The following ATG13 variants were observed in gnomAD, a reference collection of about 807,000 sequenced individuals.
The protein encoded by ATG13 is autophagy-related protein 13.
Under a neutral mutation model 65.5 loss-of-function variants are expected in ATG13, and 23 were observed. That is an observed-to-expected ratio of 0.35 (90% CI 0.25 to 0.50). The LOEUF is 0.50. Among genes scored for constraint, ATG13 ranks in the 20% least tolerant of loss-of-function variants. The probability of loss-of-function intolerance (pLI) is 0.98; values close to 1 mark genes in which losing one functional copy is unlikely to be tolerated. For synonymous variants in ATG13, 252 were observed against 245.2 expected (o/e 1.03, Z -0.26); for missense variants, 566 against 677.0 (o/e 0.84, Z 1.82).
chr11:46,623,797 T>C (rs1189540409), intron 1 of ATG13, among the ~76,000 whole-genome samples: 1 of 152,110 alleles, frequency 6.6e-6, no homozygotes, highest in Non-Finnish European at 1.5e-5. Flanking sequence ...TGGAAGAATA[T>C]TACAGTGAAT....
rs548080362 is a variant in ATG13, at chr11:46,653,584, T to A, written c.459-2649T>A. Among the ~76,000 whole-genome samples the A allele has an allele frequency of 3.3e-5, 5 of 152,238 alleles. No individual in the cohort carries two copies. In the South Asian group the frequency reaches 1.0e-3, roughly 32 times the overall value. ...GAAGCTTCTTTTTTTTTTTTTTGTT[T>A]TTTGAGACGGAGTCTCGCTGTGTTG... On this transcript the variant is annotated intron_variant, in intron 7 of 18. Coordinates refer to ENST00000683050, the MANE Select transcript of ATG13 (RefSeq NM_001346311.2).
At chr11:46,621,302 C>T (rs117605660) in intron 1 of ATG13, 3,581 of 152,210 alleles carry the variant, frequency 0.024, 63 homozygotes, top group Middle Eastern at 0.034. Flanking sequence ...TGTGAGCCAC[C>T]GCGCCCAGCC....
At chr11:46,625,984 C>T (rs976721521) in intron 1 of ATG13, among the ~76,000 whole-genome samples, 5 of 152,026 alleles carry the variant, frequency 3.3e-5, no homozygotes, top group African/African-American at 4.8e-5. Context: ...GTTTTTGAGA[C>T]GGAGTCTGTC....
In ATG13 at chr11:46,617,605, G is replaced by A; in HGVS notation, c.-355G>A. On this transcript the variant is annotated 5_prime_UTR_variant, in exon 1 of 19. Coordinates refer to ENST00000683050, the MANE Select transcript of ATG13 (RefSeq NM_001346311.2). ...ACACTAACGATGGCGGCGCCGGGAA[G>A]CGACCGGCTGCTGGGCTTAAGGCGG... The A allele has an allele frequency of 4.0e-6, 1 of 250,094 alleles. No homozygotes were observed. Among genetic ancestry groups the A allele is most frequent in the Non-Finnish European group, 7.3e-6 (1 of 136,744 alleles). The allele number at this position is 250,094 out of a possible 1,614,324, so 15.5% of individuals were successfully genotyped here.
intron 5 of ATG13, chr11:46,648,847 G>A (rs1252544295): frequency 4.6e-6 from 1 of 215,712 alleles, no homozygotes; most frequent in Non-Finnish European, 9.0e-6. Flanking sequence ...AGGACTGGTT[G>A]GATAAAATGA....
intron 11 of ATG13, among the ~76,000 whole-genome samples, chr11:46,662,034 C>CAT (rs10679682): frequency 0.016 from 2,461 of 152,226 alleles, 24 homozygotes; most frequent in Non-Finnish European, 0.022. Flanking sequence ...CTCTCATGAA[C>CAT]ATATGTAGGC....
chr11:46,663,943 TTC>T, intron 11 of ATG13, 52 bp from the exon 12 acceptor site: 1 of 1,258,142 alleles, frequency 7.9e-7, no homozygotes, highest in African/African-American at 1.6e-5. Flanking sequence ...CAAGTCCCTT[TTC>T]TTTTTTTTTT....
intron 1 of ATG13, among the ~76,000 whole-genome samples, chr11:46,624,813 G>C (rs1397034560): frequency 6.6e-6 from 1 of 152,096 alleles, no homozygotes; most frequent in Non-Finnish European, 1.5e-5. Flanking sequence ...TGAGAGGATT[G>C]CCTGAGCGCA....
At chr11:46,665,275 G>T in intron 13 of ATG13, 108 bp from the exon 14 acceptor site, 1 of 1,380,746 alleles carries the variant, frequency 7.2e-7, no homozygotes. Context: ...CTTGGTGGCA[G>T]CGTTGGTGAT....
At chr11:46,642,081 C>T (rs74807297) in intron 2 of ATG13, among the ~76,000 whole-genome samples, 2,521 of 150,956 alleles carry the variant, frequency 0.017, 24 homozygotes, top group Non-Finnish European at 0.023. Flanking sequence ...CCACCGTGCC[C>T]GACCAAAAAA....
At chr11:46,653,017 G>T (rs2059229229) in intron 7 of ATG13, among the ~76,000 whole-genome samples, 1 of 151,972 alleles carries the variant, frequency 6.6e-6, no homozygotes, top group African/African-American at 2.4e-5. Context: ...AGAAAGCTGA[G>T]TATTTGTTAT....
At chr11:46,622,174 G>T (rs1307191528) in intron 1 of ATG13, among the ~76,000 whole-genome samples, 3 of 143,826 alleles carry the variant, frequency 2.1e-5, no homozygotes, top group Non-Finnish European at 4.5e-5. Flanking sequence ...CTGGAGTGCG[G>T]TGAAGCAATC....
intron 1 of ATG13, among the ~76,000 whole-genome samples, chr11:46,619,207 C>T (rs1030222352): frequency 1.3e-5 from 2 of 151,884 alleles, no homozygotes; most frequent in East Asian, 3.8e-4. Flanking sequence ...AATAGAGGTA[C>T]TGTAGCCAGG....
At chr11:46,638,540 A>C (rs1028721685) in intron 2 of ATG13, 1 of 152,124 alleles carries the variant, frequency 6.6e-6, no homozygotes, top group African/African-American at 2.4e-5. Context: ...TATTCCTCCT[A>C]TCTAACTGTG....
intron 1 of ATG13, among the ~76,000 whole-genome samples, chr11:46,623,900 T>C (rs1478690989): frequency 6.6e-6 from 1 of 152,164 alleles, no homozygotes; most frequent in Non-Finnish European, 1.5e-5. Context: ...TATTTTTGCA[T>C]TATATTTACA....
In ATG13 at chr11:46,650,249, T is replaced by G. The variant is rs149007632; in HGVS notation, c.390T>G (p.Ala130=). ...CATTGCTGCTGAAGTCCCTTCTTGC[T>G]ATAACTAGGGTGACACCAGCCTATA... ...RLSLLLKSLL[A]ITRVTPAYRL... is the part of the protein sequence containing the mutation. Residue 130 remains alanine, a synonymous_variant, in exon 7 of 19, where the codon GCT becomes GCG. Transcript: ENST00000683050. The G allele has an allele frequency of 2.5e-6, 4 of 1,613,986 alleles. No individual in the cohort carries two copies. Among genetic ancestry groups the G allele is most frequent in the Admixed American group, 1.7e-5 (1 of 60,002 alleles).
At chr11:46,651,161 G>T (rs1397553216) in intron 7 of ATG13, among the ~76,000 whole-genome samples, 1 of 152,174 alleles carries the variant, frequency 6.6e-6, no homozygotes, top group Non-Finnish European at 1.5e-5. Context: ...AGCATTAGAG[G>T]TGGTTTAATG....
At chr11:46,636,587 G>A (rs186840515) in intron 2 of ATG13, among the ~76,000 whole-genome samples, 29 of 149,200 alleles carry the variant, frequency 1.9e-4, no homozygotes, top group Non-Finnish European at 1.8e-4. Context: ...AAAAAGCCAG[G>A]CAAAGAGTAT....
At position 46,624,010 on chromosome 11, in the gene ATG13, AT is replaced by A. The variant is rs1364999019; in HGVS notation, c.-69-6021del. On this transcript the variant is annotated intron_variant, in intron 1 of 18. Coordinates refer to ENST00000683050, the MANE Select transcript of ATG13 (RefSeq NM_001346311.2). ...AAATGTAATTTTATCAAATTCAGGA[AT>A]TTTTTTTTTTTTTGAGATGGAGTCT... Among the ~76,000 whole-genome samples the A allele has an allele frequency of 2.2e-3, 318 of 143,754 alleles. 2 individuals are homozygous for A. The highest frequency in any genetic ancestry group is 5.0e-3 in the South Asian group (23 of 4,586). The allele number at this position is 143,754 out of a possible 152,430, so 94.3% of individuals were successfully genotyped here.
Sources: allele counts gnomAD v4.1 joint callset (sites outside exome capture counted in the v4.1 genomes callset), GRCh38; gene constraint gnomAD v4.1.1; transcripts MANE v1.5; gene names NCBI Gene and HGNC (gene_info 2026-07-23, HGNC 2026-07-21).